NAALADL2: variants seen among roughly 807,000 people sequenced by gnomAD.
NAALADL2 encodes N-acetylated alpha-linked acidic dipeptidase like 2.
Under a neutral mutation model 87.2 loss-of-function variants are expected in NAALADL2, and 76 were observed. The ratio of observed to expected loss-of-function variants is 0.87; its 90% CI spans 0.72 to 1.05. NAALADL2 has a LOEUF of 1.05. Among genes scored for constraint, NAALADL2 ranks in the 50% least tolerant of loss-of-function variants. The pLI is 0.00. For missense variants in NAALADL2, 1,089 were observed against 945.8 expected (o/e 1.15, Z -1.99); for synonymous variants, 354 against 331.0 (o/e 1.07, Z -0.75).
intron 3 of NAALADL2, among the ~76,000 whole-genome samples, chr3:174,773,726 G>T (rs1714860755): frequency 6.6e-6 from 1 of 152,080 alleles, no homozygotes; most frequent in South Asian, 2.1e-4. Flanking sequence ...GCGTTTTAGA[G>T]TACCCAACGT....
chr3:174,645,702 A>G (rs1228878636), intron 2 of NAALADL2, among the ~76,000 whole-genome samples: 2 of 152,206 alleles, frequency 1.3e-5, no homozygotes, highest in East Asian at 3.9e-4. Flanking sequence ...CAAGGCTCTC[A>G]TAAGTTAAAT....
chr3:175,719,293 T>C (rs1741885189), intron 11 of NAALADL2, among the ~76,000 whole-genome samples: 1 of 151,868 alleles, frequency 6.6e-6, no homozygotes, highest in Non-Finnish European at 1.5e-5. Flanking sequence ...ACTGGTCCAA[T>C]ATGTTGCTAA....
chr3:175,500,118 A>G lies in NAALADL2; in HGVS notation c.1653+28360A>G, dbSNP rs367548209. On this transcript the variant is annotated intron_variant, in intron 9 of 13. Coordinates refer to ENST00000454872, the MANE Select transcript of NAALADL2 (RefSeq NM_207015.3). ...ATGACCCTCTGCTAGGAGCTATGGGATACTACAAAGAGAATTATTCTACCT... is the reference window on the plus strand; with the variant it reads ...ATGACCCTCTGCTAGGAGCTATGGGGTACTACAAAGAGAATTATTCTACCT... Among the ~76,000 whole-genome samples, 37 of 152,232 alleles carry G rather than the reference A, an allele frequency of 2.4e-4. No individual in the cohort carries two copies. In the South Asian group the frequency reaches 7.2e-3, roughly 30 times the overall value.
intron 12 of NAALADL2, among the ~76,000 whole-genome samples, chr3:175,739,153 A>G (rs1744921234): frequency 6.6e-6 from 1 of 152,240 alleles, no homozygotes; most frequent in Non-Finnish European, 1.5e-5. Flanking sequence ...ATTATATAAT[A>G]GAATTATAAA....
intron 1 of NAALADL2, among the ~76,000 whole-genome samples, chr3:175,029,621 C>G (rs1417160954): frequency 6.6e-6 from 1 of 151,966 alleles, no homozygotes; most frequent in African/African-American, 2.4e-5. Flanking sequence ...TACACCTATG[C>G]AAGTGTATTA....
intron 6 of NAALADL2, among the ~76,000 whole-genome samples, chr3:175,451,499 G>A (rs962795042): frequency 6.6e-6 from 1 of 152,062 alleles, no homozygotes; most frequent in Non-Finnish European, 1.5e-5. Flanking sequence ...TGTCTTTGAA[G>A]TTCAGTCAAA....
At chr3:175,400,395 G>T (rs983501228) in intron 5 of NAALADL2, among the ~76,000 whole-genome samples, 7 of 152,070 alleles carry the variant, frequency 4.6e-5, no homozygotes, top group African/African-American at 1.7e-4. Flanking sequence ...AACACATTTA[G>T]CTTCCTCTAG....
intron 5 of NAALADL2, among the ~76,000 whole-genome samples, chr3:175,346,421 C>T (rs1160313417): frequency 1.3e-5 from 2 of 152,114 alleles, no homozygotes; most frequent in Non-Finnish European, 2.9e-5. Context: ...CCATCTTCCT[C>T]AATGAGCGCA....
At chr3:175,559,869 C>T (rs1408833512) in intron 9 of NAALADL2, among the ~76,000 whole-genome samples, 1 of 152,182 alleles carries the variant, frequency 6.6e-6, no homozygotes, top group Non-Finnish European at 1.5e-5. Context: ...CATCAATATT[C>T]ATCAGTAATA....
intron 11 of NAALADL2, among the ~76,000 whole-genome samples, chr3:175,628,861 A>AG (rs1270851475): frequency 6.7e-6 from 1 of 150,156 alleles, no homozygotes; most frequent in Non-Finnish European, 1.5e-5. Context: ...GTGTGAATTA[A>AG]TTTTTTCCAA....
At chr3:175,600,230 T>A (rs1722771612) in intron 10 of NAALADL2, among the ~76,000 whole-genome samples, 1 of 151,872 alleles carries the variant, frequency 6.6e-6, no homozygotes, top group South Asian at 2.1e-4. Flanking sequence ...TATATAAATC[T>A]CTCTATATTC....
chr3:175,314,072 C>CA (rs10678475), intron 4 of NAALADL2, among the ~76,000 whole-genome samples: 4,637 of 79,548 alleles, frequency 0.058, 153 homozygotes, highest in African/African-American at 0.098. Flanking sequence ...GACTCCATCT[C>CA]AAAAAAAAAA....
At chr3:175,700,257 T>C (rs775647517) in intron 11 of NAALADL2, among the ~76,000 whole-genome samples, 4 of 152,128 alleles carry the variant, frequency 2.6e-5, no homozygotes, top group Non-Finnish European at 5.9e-5. Flanking sequence ...CCAGCTTCAG[T>C]TGAGGCCGTT....
At position 175,003,195 on chromosome 3, in the gene NAALADL2, G is replaced by T. The variant is rs1748475108; in HGVS notation, c.44-93595G>T. Among the ~76,000 whole-genome samples the T allele has an allele frequency of 2.6e-5, 4 of 152,016 alleles. 1 individual carries two copies. Among genetic ancestry groups the T allele is most frequent in the Admixed American group, 2.6e-4 (4 of 15,250 alleles). ...CCAAATGTGACTTCATTAATTCAAC[G>T]ATGTGTCCAGGGTATACTTACAGCA... On this transcript the variant is annotated intron_variant, in intron 1 of 13. Coordinates refer to ENST00000454872, the MANE Select transcript of NAALADL2 (RefSeq NM_207015.3).
At chr3:175,068,537 G>A (rs966902767) in intron 1 of NAALADL2, among the ~76,000 whole-genome samples, 33 of 152,250 alleles carry the variant, frequency 2.2e-4, no homozygotes, top group African/African-American at 7.7e-4. Flanking sequence ...CTTCCATTCA[G>A]TGTTGTCTCT....
chr3:175,558,194 C>CAAA (rs71164638), intron 9 of NAALADL2, among the ~76,000 whole-genome samples: 45 of 82,350 alleles, frequency 5.5e-4, no homozygotes, highest in African/African-American at 1.4e-3. Context: ...GACCCCGTCT[C>CAAA]AAAAAAAAAA....
At chr3:174,740,792 G>A (rs1158162623) in intron 3 of NAALADL2, among the ~76,000 whole-genome samples, 1 of 151,804 alleles carries the variant, frequency 6.6e-6, no homozygotes. Context: ...ATATTAGTGA[G>A]TGTCTAGATG....
Position 174,641,830 on chromosome 3 carries a change from C to T in NAALADL2, c.-115+91193C>T, listed in dbSNP as rs75208697. On this transcript the variant is annotated intron_variant, in intron 2 of 3. Coordinates refer to the NAALADL2 transcript ENST00000434257. ...GATTGCAGTGGTTACAGTCATGGCT[C>T]ACTGCAGCCTCAACCTCCCGGGCTC... 3.7e-4 allele frequency among the ~76,000 whole-genome samples: 57 copies of T among 152,272 alleles called. No individual in the cohort carries two copies. In the East Asian group the frequency reaches 9.7e-3, roughly 26 times the overall value.
chr3:174,815,285 G>T (rs1024389161), intron 3 of NAALADL2, among the ~76,000 whole-genome samples: 1 of 152,136 alleles, frequency 6.6e-6, no homozygotes, highest in South Asian at 2.1e-4. Flanking sequence ...TAAGATCAGG[G>T]TTTTGGCAGG....
Sources: allele counts gnomAD v4.1 joint callset (sites outside exome capture counted in the v4.1 genomes callset), GRCh38; gene constraint gnomAD v4.1.1; transcripts MANE v1.5; gene names NCBI Gene and HGNC (gene_info 2026-07-23, HGNC 2026-07-21).